The following MYO5B variants were observed in gnomAD, a reference collection of about 807,000 sequenced individuals.
MYO5B encodes unconventional myosin-Vb.
Under a neutral mutation model 229.3 loss-of-function variants are expected in MYO5B, and 143 were observed. The ratio of observed to expected loss-of-function variants is 0.62; its 90% CI spans 0.54 to 0.72. The LOEUF (loss-of-function observed/expected upper bound fraction) is 0.72. Ranked by LOEUF, MYO5B falls within the 30% of genes least tolerant of loss-of-function variation. The pLI, the probability that MYO5B is intolerant of heterozygous loss-of-function variation, is 0.00. For missense variants in MYO5B, 2,321 were observed against 2,331.0 expected, an observed-to-expected ratio of 1.00 and a Z score of 0.09; for synonymous variants, 918 against 885.2, an observed-to-expected ratio of 1.04 and a Z score of -0.66.
chr18:50,150,864 G>C (rs1453456573), intron 1 of MYO5B, among the ~76,000 whole-genome samples: 1 of 152,172 alleles, frequency 6.6e-6, no homozygotes, highest in Non-Finnish European at 1.5e-5. Context: ...AAATAGGGCA[G>C]TGGAAGCCAC....
intron 36 of MYO5B, 98 bp downstream of exon 36, chr18:49,839,046 A>C: frequency 5.5e-6 from 8 of 1,444,078 alleles, no homozygotes; most frequent in African/African-American, 2.8e-5. Context: ...GGTCATGGCT[A>C]AGATATCTGG....
intron 26 of MYO5B, among the ~76,000 whole-genome samples, chr18:49,873,291 C>T (rs1275960908): frequency 6.6e-6 from 1 of 152,170 alleles, no homozygotes; most frequent in African/African-American, 2.4e-5. Flanking sequence ...GGGTGTTAGT[C>T]CCTGATTAAG....
intron 22 of MYO5B, 66 bp from the exon 23 acceptor site, chr18:49,880,521 G>A (rs2144107949): frequency 7.8e-7 from 1 of 1,289,830 alleles, no homozygotes; most frequent in Non-Finnish European, 1.1e-6. Flanking sequence ...CCTCTTGTGG[G>A]ATTTGAATTT....
chr18:49,894,805 A>G (rs2024758425), intron 22 of MYO5B, 136 bp downstream of exon 22: 4 of 769,580 alleles, frequency 5.2e-6, no homozygotes, highest in Non-Finnish European at 6.7e-6. Flanking sequence ...CTAGACACAG[A>G]TGAATGGTCA....
intron 14 of MYO5B, among the ~76,000 whole-genome samples, chr18:49,942,828 C>G (rs1390320338): frequency 6.6e-6 from 1 of 152,124 alleles, no homozygotes; most frequent in Non-Finnish European, 1.5e-5. Flanking sequence ...GGATCTAGAA[C>G]TAGAAATACC....
chr18:49,908,218 G>A (rs938517777), intron 18 of MYO5B, among the ~76,000 whole-genome samples: 8 of 152,112 alleles, frequency 5.3e-5, no homozygotes, highest in African/African-American at 1.4e-4. Flanking sequence ...TTCTCTGAGG[G>A]TCTCACCTGC....
intron 1 of MYO5B, among the ~76,000 whole-genome samples, chr18:50,070,943 C>T (rs2030944176): frequency 6.6e-6 from 1 of 152,190 alleles, no homozygotes; most frequent in African/African-American, 2.4e-5. Context: ...GCCTCAGCCT[C>T]CTGGGTAGCT....
intron 1 of MYO5B, among the ~76,000 whole-genome samples, chr18:50,057,723 A>G (rs1449709690): frequency 1.3e-5 from 2 of 152,214 alleles, no homozygotes; most frequent in Non-Finnish European, 2.9e-5. Context: ...CCATACCCAC[A>G]AAACCTATCA....
chr18:50,176,627 A>G (rs2033000498), intron 1 of MYO5B, among the ~76,000 whole-genome samples: 2 of 152,152 alleles, frequency 1.3e-5, no homozygotes, highest in Non-Finnish European at 1.5e-5. Flanking sequence ...AAACTTCTTG[A>G]TGGTCAAAGA....
intron 4 of MYO5B, among the ~76,000 whole-genome samples, chr18:50,034,303 C>A (rs2026424299): frequency 6.6e-6 from 1 of 152,126 alleles, no homozygotes. Flanking sequence ...TAGAGAAGAC[C>A]CATACAGGAA....
At chr18:49,926,686 G>T (rs1251991531) in intron 17 of MYO5B, among the ~76,000 whole-genome samples, 4 of 152,200 alleles carry the variant, frequency 2.6e-5, no homozygotes, top group Admixed American at 2.6e-4. Flanking sequence ...TTATCCGCAA[G>T]GCAAATCAGA....
At chr18:49,963,084 T>C in intron 10 of MYO5B, 54 bp from the exon 11 acceptor site, 1 of 1,459,426 alleles carries the variant, frequency 6.9e-7, no homozygotes, top group Non-Finnish European at 9.6e-7. Context: ...AAGGAATCAC[T>C]GGGACTTCAA....
At chr18:50,057,832 C>A (rs2030589553) in intron 1 of MYO5B, among the ~76,000 whole-genome samples, 1 of 152,104 alleles carries the variant, frequency 6.6e-6, no homozygotes, top group African/African-American at 2.4e-5. Flanking sequence ...AGGTTAGAAG[C>A]ATAGAATTTC....
chr18:50,126,202 A>C (rs754038108), intron 1 of MYO5B, among the ~76,000 whole-genome samples: 5 of 152,250 alleles, frequency 3.3e-5, no homozygotes, highest in Non-Finnish European at 7.3e-5. Flanking sequence ...AAAAAACAGT[A>C]AATTTTACTT....
At chr18:50,148,770 G>C (rs1299613779) in intron 1 of MYO5B, among the ~76,000 whole-genome samples, 2 of 151,884 alleles carry the variant, frequency 1.3e-5, no homozygotes, top group Non-Finnish European at 2.9e-5. Context: ...TTGAAAACTG[G>C]CACAAGACAG....
intron 17 of MYO5B, among the ~76,000 whole-genome samples, chr18:49,929,304 G>C (rs2025163130): frequency 6.6e-6 from 1 of 152,178 alleles, no homozygotes; most frequent in Admixed American, 6.5e-5. Flanking sequence ...GAGAAAAGCA[G>C]CCAAGAGGAT....
At chr18:49,998,545 T>C (rs2026013840) in intron 5 of MYO5B, among the ~76,000 whole-genome samples, 1 of 152,210 alleles carries the variant, frequency 6.6e-6, no homozygotes, top group African/African-American at 2.4e-5. Context: ...ACCACTGTGA[T>C]TTAAAAAGCA....
chr18:50,038,831 TAA>T (rs1048995598), intron 3 of MYO5B, among the ~76,000 whole-genome samples: 46 of 152,332 alleles, frequency 3.0e-4, no homozygotes, highest in African/African-American at 1.1e-3. Context: ...AGTCAAATTT[TAA>T]AAGTCTCCTT....
intron 1 of MYO5B, among the ~76,000 whole-genome samples, chr18:50,194,501 A>G (rs1297240736): frequency 6.6e-6 from 1 of 152,084 alleles, no homozygotes; most frequent in Non-Finnish European, 1.5e-5. Flanking sequence ...GGAGGGGGCG[A>G]CAGCCCTGGC....
Sources: gnomAD v4.1 joint callset for allele counts (sites outside exome capture counted in the v4.1 genomes callset) on GRCh38, gnomAD v4.1.1 for gene constraint, MANE v1.5 for transcripts, NCBI Gene and HGNC (gene_info 2026-07-23, HGNC 2026-07-21) for gene names.